Variants in CALB1 observed in about 807,000 individuals in gnomAD.
CALB1 encodes the protein calbindin 1.
Under a neutral mutation model 46.7 loss-of-function variants are expected in CALB1, and 16 were observed. That is an observed-to-expected ratio of 0.34 (90% CI 0.23 to 0.52). The LOEUF (loss-of-function observed/expected upper bound fraction) is 0.52. Ranked by LOEUF, CALB1 falls within the 20% of genes least tolerant of loss-of-function variation. The pLI, the probability that CALB1 is intolerant of heterozygous loss-of-function variation, is 0.95. For missense variants in CALB1, 224 were observed against 300.3 expected (o/e 0.75, Z 1.88); for synonymous variants, 90 against 112.8 (o/e 0.80, Z 1.28).
At chr8:90,082,573 G>T in intron 1 of CALB1, 46 bp downstream of exon 1, 1 of 1,454,466 alleles carries the variant, frequency 6.9e-7, no homozygotes, top group South Asian at 1.1e-5. Flanking sequence ...AATGGGAAGG[G>T]GCATGGAAAC....
At chr8:90,081,821 T>C (rs555448169) in intron 2 of CALB1, among the ~76,000 whole-genome samples, 4 of 150,770 alleles carry the variant, frequency 2.7e-5, no homozygotes, top group East Asian at 2.0e-4. Flanking sequence ...TCTCTCTCTC[T>C]CCCCCTCTCT....
intron 2 of CALB1, among the ~76,000 whole-genome samples, chr8:90,079,679 A>G (rs1049652954): frequency 6.6e-6 from 1 of 152,038 alleles, no homozygotes; most frequent in Admixed American, 6.5e-5. Flanking sequence ...TTTTTTAAAC[A>G]GTGCAAAACA....
At position 90,078,460 on chromosome 8, in the gene CALB1, A is replaced by G. The variant is rs1272651956; in HGVS notation, c.157-13T>C. 1 of 1,443,592 alleles carries G rather than the reference A, an allele frequency of 6.9e-7. No homozygotes were observed. Among genetic ancestry groups the G allele is most frequent in the Non-Finnish European group, 9.6e-7 (1 of 1,038,928 alleles). 89.4% of individuals were successfully genotyped at this position (1,443,592 alleles called of 1,614,324 possible). A position where few individuals can be genotyped will look rare whatever the true frequency, so the allele number is the denominator to read the frequency against. On this transcript the variant is annotated splice_polypyrimidine_tract_variant and intron_variant, in intron 2 of 10. Coordinates refer to ENST00000265431, the MANE Select transcript of CALB1 (RefSeq NM_004929.4). ...CAGGTGATAACTCCTAAAATTATAT[A>G]AAAGCAGGTAGGAGGTTTGTTAAAA...
chr8:90,067,528 A>G (rs753753220), intron 5 of CALB1, among the ~76,000 whole-genome samples: 1 of 152,206 alleles, frequency 6.6e-6, no homozygotes, highest in Non-Finnish European at 1.5e-5. Flanking sequence ...GCAAGTTTGT[A>G]AAATACACTG....
chr8:90,067,421 A>C (rs2130231180), intron 5 of CALB1, among the ~76,000 whole-genome samples: 1 of 152,292 alleles, frequency 6.6e-6, no homozygotes, highest in East Asian at 1.9e-4. Context: ...TAAGGTTTTC[A>C]TTATGAACTA....
intron 6 of CALB1, among the ~76,000 whole-genome samples, chr8:90,064,754 G>C (rs946410766): frequency 6.6e-6 from 1 of 151,848 alleles, no homozygotes; most frequent in Non-Finnish European, 1.5e-5. Context: ...TGTAAGTGGA[G>C]ATGTAATGAG....
intron 5 of CALB1, 40 bp downstream of exon 5, chr8:90,068,958 T>G: frequency 6.8e-7 from 1 of 1,470,104 alleles, no homozygotes; most frequent in South Asian, 1.2e-5. Flanking sequence ...CATAATTGCA[T>G]CTGAAAGGAA....
At chr8:90,071,981 A>T (rs1814529187) in intron 3 of CALB1, among the ~76,000 whole-genome samples, 1 of 152,190 alleles carries the variant, frequency 6.6e-6, no homozygotes, top group African/African-American at 2.4e-5. Context: ...CCTGAAATAA[A>T]TGCTTGCGGA....
chr8:90,072,019 AC>A (rs1393607047), intron 3 of CALB1, among the ~76,000 whole-genome samples: 2 of 152,182 alleles, frequency 1.3e-5, no homozygotes, highest in Non-Finnish European at 2.9e-5. Context: ...TTTATTAAAA[AC>A]ATCTACTTAA....
chr8:90,070,630 T>C (rs1009104788), intron 3 of CALB1, among the ~76,000 whole-genome samples: 5 of 152,146 alleles, frequency 3.3e-5, no homozygotes, highest in Non-Finnish European at 7.4e-5. Context: ...CACATGTGGG[T>C]GAGACTAAGG....
At chr8:90,065,273 G>T (rs1174621857) in intron 6 of CALB1, among the ~76,000 whole-genome samples, 3 of 151,386 alleles carry the variant, frequency 2.0e-5, no homozygotes, top group Non-Finnish European at 3.0e-5. Flanking sequence ...GTGTAAAGCA[G>T]TTTTCTTGGC....
At chr8:90,082,148 G>C in intron 1 of CALB1, 46 bp from the exon 2 acceptor site, 3 of 1,502,382 alleles carry the variant, frequency 2.0e-6, no homozygotes, top group Middle Eastern at 1.7e-4. Flanking sequence ...CTCATTCCAA[G>C]TGTCTTTCCC....
Position 90,082,761 on chromosome 8 carries a change from G to A in CALB1, c.-64C>T, listed in dbSNP as rs571938162. Reference sequence around the variant, plus strand: ...TGTGTCTGTGTCCGCGCGAGGGGGAGTGAGCAAAAGCTCAGCGTGTGCGCG... The same window carrying A: ...TGTGTCTGTGTCCGCGCGAGGGGGAATGAGCAAAAGCTCAGCGTGTGCGCG... On this transcript the variant is annotated 5_prime_UTR_variant, in exon 1 of 11. Coordinates refer to ENST00000265431, the MANE Select transcript of CALB1 (RefSeq NM_004929.4). 2 of 1,456,444 alleles carry A rather than the reference G, an allele frequency of 1.4e-6. No individual in the cohort carries two copies. Among genetic ancestry groups the A allele is most frequent in the East Asian group, 2.3e-5 (1 of 44,066 alleles). 90.2% of individuals were successfully genotyped at this position (1,456,444 alleles called of 1,614,324 possible).
chr8:90,068,072 G>A (rs1207416092), intron 5 of CALB1, among the ~76,000 whole-genome samples: 6 of 152,074 alleles, frequency 3.9e-5, no homozygotes, highest in Non-Finnish European at 7.4e-5. Flanking sequence ...TTTTGGGGTC[G>A]GCTTGAGGAA....
In CALB1 at chr8:90,065,935, A is replaced by G; in HGVS notation, c.413T>C (p.Val138Ala). The G allele has an allele frequency of 6.2e-7, 1 of 1,611,690 alleles. No individual in the cohort carries two copies. The highest frequency in any genetic ancestry group is 1.1e-5 in the South Asian group (1 of 91,024). Residue 138 changes from valine (V) to alanine (A), a missense_variant, in exon 6 of 11, where the codon GTT (valine) becomes GCT (alanine). Transcript: ENST00000265431. ...ATACTCGGCTAATTTTGTGTCATCAACAGTCTTGTTTGCTTTTTCTAGCAG... is the reference window on the plus strand; with the variant it reads ...ATACTCGGCTAATTTTGTGTCATCAGCAGTCTTGTTTGCTTTTTCTAGCAG... ...KDLLEKANKT[V>A]DDTKLAEYTD... is the part of the protein sequence containing the mutation.
At chr8:90,076,364 G>A (rs1586184132) in intron 3 of CALB1, among the ~76,000 whole-genome samples, 1 of 151,938 alleles carries the variant, frequency 6.6e-6, no homozygotes, top group Admixed American at 6.6e-5. Context: ...GGTTCTGACT[G>A]TTCTACCATT....
At chr8:90,063,497 G>A (rs1165707758) in intron 6 of CALB1, 36 bp from the exon 7 acceptor site, 1 of 1,546,940 alleles carries the variant, frequency 6.5e-7, no homozygotes, top group Non-Finnish European at 8.9e-7. Context: ...AGCTATTTGA[G>A]GAATAATTTA....
intron 3 of CALB1, among the ~76,000 whole-genome samples, chr8:90,071,392 T>TC (rs893972680): frequency 4.0e-5 from 6 of 151,574 alleles, no homozygotes; most frequent in South Asian, 2.1e-4. Context: ...AATGTAGGTC[T>TC]CCCCCCAGAG....
In CALB1 at chr8:90,059,983, T is replaced by C. The variant is rs1805898; in HGVS notation, c.*190A>G. The C allele has an allele frequency of 3.5e-5, 17 of 488,330 alleles. No individual in the cohort carries two copies. Among genetic ancestry groups the C allele is most frequent in the South Asian group, 3.1e-4 (7 of 22,598 alleles). 30.2% of individuals were successfully genotyped at this position (488,330 alleles called of 1,614,324 possible). A position where few individuals can be genotyped will look rare whatever the true frequency, so the allele number is the denominator to read the frequency against. On this transcript the variant is annotated 3_prime_UTR_variant, in exon 11 of 11. Transcript: ENST00000265431. ...GCATAGACTTTCTTCTTTTCAATCA[T>C]ATGGTTACAAAAACTGTATATTACA...
Sources: allele counts gnomAD v4.1 joint callset (sites outside exome capture counted in the v4.1 genomes callset), GRCh38; gene constraint gnomAD v4.1.1; transcripts MANE v1.5; gene names NCBI Gene and HGNC (gene_info 2026-07-23, HGNC 2026-07-21).